The following DNAH14 variants were observed in gnomAD, a reference collection of about 807,000 sequenced individuals.
DNAH14 encodes dynein axonemal heavy chain 14.
Under a neutral mutation model 520.9 loss-of-function variants are expected in DNAH14, and 478 were observed. The observed-to-expected ratio is 0.92, with a 90% CI of 0.85 to 0.99. The LOEUF is 0.99. Ranked by LOEUF, DNAH14 falls within the 50% of genes least tolerant of loss-of-function variation. DNAH14 has a pLI of 0.00. For synonymous variants in DNAH14, 1,581 were observed against 1,757.2 expected, an observed-to-expected ratio of 0.90 and a Z score of 2.51; for missense variants, 4,831 against 5,234.5, an observed-to-expected ratio of 0.92 and a Z score of 2.38.
chr1:225,339,794 G>A (rs1190627953), intron 68 of DNAH14, among the ~76,000 whole-genome samples: 2 of 152,134 alleles, frequency 1.3e-5, no homozygotes, highest in Non-Finnish European at 2.9e-5. Context: ...GTGGAATGAA[G>A]TATTGTCTCT....
chr1:224,993,042 C>T (rs2063160881), intron 8 of DNAH14, among the ~76,000 whole-genome samples: 3 of 152,058 alleles, frequency 2.0e-5, no homozygotes, highest in Admixed American at 2.0e-4. Context: ...TCTTGCATCC[C>T]AGGGTTAAAT....
At chr1:225,144,935 G>C (rs941866346) in intron 29 of DNAH14, among the ~76,000 whole-genome samples, 3 of 149,200 alleles carry the variant, frequency 2.0e-5, no homozygotes, top group Non-Finnish European at 4.5e-5. Context: ...GTGTGTGAAA[G>C]AGAGAGAGAG....
intron 36 of DNAH14, among the ~76,000 whole-genome samples, chr1:225,171,210 C>G (rs1559170271): frequency 6.6e-6 from 1 of 152,034 alleles, no homozygotes; most frequent in African/African-American, 2.4e-5. Context: ...ATTAAAAGAA[C>G]TAGAGAAGCA....
chr1:225,217,206 CTGCAGAACAGCAAATAT>C (rs569388539), intron 41 of DNAH14, among the ~76,000 whole-genome samples: 2 of 152,198 alleles, frequency 1.3e-5, no homozygotes, highest in Admixed American at 6.5e-5. Flanking sequence ...CCAGCGGAGG[CTGCAGAACAGCAAATAT>C]TGCAGAACAG....
chr1:225,207,782 A>C (rs2087784088), intron 41 of DNAH14, among the ~76,000 whole-genome samples: 2 of 152,188 alleles, frequency 1.3e-5, no homozygotes, highest in African/African-American at 4.8e-5. Context: ...TCAAACCAAT[A>C]TAGAAATCAT....
rs1052635370 is a variant in DNAH14 at position 225,257,892 on chromosome 1, A to G, written c.6866-68A>G. 4.0e-5 allele frequency: 50 copies of G among 1,258,016 alleles called. No homozygotes were observed. The African/African-American group carries it at 7.7e-4, about 19-fold the overall frequency. 77.9% of individuals were successfully genotyped at this position (1,258,016 alleles called of 1,614,324 possible). On this transcript the variant is annotated intron_variant, in intron 44 of 85. Coordinates refer to ENST00000682510, the MANE Select transcript of DNAH14 (RefSeq NM_001367479.1). The stretch of plus-strand genomic sequence containing the variant: ...AAATAAAATAATCCTAATGACAAAA[A>G]AAAAAAAAAGATGAGGTGAATAGTA...
Position 225,271,836 on chromosome 1 carries a change from T to G in DNAH14, c.7672-70T>G. The G allele has an allele frequency of 3.2e-6, 4 of 1,252,662 alleles. 1 individual carries two copies. The South Asian group carries it at 6.2e-5, about 19-fold the overall frequency. 77.6% of individuals were successfully genotyped at this position (1,252,662 alleles called of 1,614,324 possible). On this transcript the variant is annotated intron_variant, in intron 50 of 85. Coordinates refer to ENST00000682510, the MANE Select transcript of DNAH14 (RefSeq NM_001367479.1). ...TATAGTACACAAGTCCGCTTTTTAG[T>G]GGAAGGTAGCCAGAAGTAGTCTATA... is the stretch of plus-strand genomic sequence containing the variant.
chr1:224,943,259 C>A (rs925106091), intron 1 of DNAH14, among the ~76,000 whole-genome samples: 1 of 151,840 alleles, frequency 6.6e-6, no homozygotes, highest in African/African-American at 2.4e-5. Context: ...GGAATTTATC[C>A]ATTTCTTCTA....
In DNAH14 at chr1:225,346,585, T is replaced by A; in HGVS notation, c.11227T>A (p.Trp3743Arg). 1 of 1,550,786 alleles carries A rather than the reference T, an allele frequency of 6.4e-7. No homozygotes were observed. The highest frequency in any genetic ancestry group is 8.7e-7 in the Non-Finnish European group (1 of 1,146,392). The change falls in exon 71 of 86, where the codon TGG (tryptophan) becomes AGG (arginine). Residue 3743 changes from tryptophan to arginine, a missense_variant. Coordinates refer to ENST00000682510, the MANE Select transcript of DNAH14 (RefSeq NM_001367479.1). The stretch of plus-strand genomic sequence containing the variant: ...CATTGGATTCCTACCAGAAGAAGAA[T>A]GGAACATCTTTTTATATTCTGGCAT... ...DDIGFLPEEE[W>R]NIFLYSGILI...
chr1:225,342,468 T>G (rs1199825860), intron 69 of DNAH14, among the ~76,000 whole-genome samples: 1 of 152,082 alleles, frequency 6.6e-6, no homozygotes, highest in Non-Finnish European at 1.5e-5. Context: ...TAAATATATA[T>G]TTTTATTTTT....
chr1:225,266,853 G>T, intron 49 of DNAH14, 84 bp downstream of exon 49: 1 of 1,302,434 alleles, frequency 7.7e-7, no homozygotes. Context: ...TGAGTGAATT[G>T]CTTGAGAAAG....
Position 225,374,687 on chromosome 1 carries a change from G to A in DNAH14, c.12319-1G>A. On this transcript the variant is annotated splice_acceptor_variant, in intron 77 of 85. Coordinates refer to ENST00000682510, the MANE Select transcript of DNAH14 (RefSeq NM_001367479.1). LOFTEE classifies it high-confidence loss of function. Reference sequence around the variant, plus strand: ...AATAAAGACTCATGGGTTTTCCAAAGGTTGCCATTAAGGTGTTGGAAAATT... The same window carrying A: ...AATAAAGACTCATGGGTTTTCCAAAAGTTGCCATTAAGGTGTTGGAAAATT... 15 of 1,543,882 alleles carry A rather than the reference G, an allele frequency of 9.7e-6. No individual in the cohort carries two copies. Among genetic ancestry groups the A allele is most frequent in the South Asian group, 1.2e-5 (1 of 83,016 alleles).
chr1:225,237,478 A>T (rs12091149), intron 42 of DNAH14, among the ~76,000 whole-genome samples: 2,006 of 152,276 alleles, frequency 0.013, 35 homozygotes, highest in East Asian at 0.05. Flanking sequence ...TGAGAAGTCT[A>T]CTGTTAGTCT....
intron 41 of DNAH14, among the ~76,000 whole-genome samples, chr1:225,217,404 G>T (rs1224831445): frequency 6.6e-6 from 1 of 152,106 alleles, no homozygotes; most frequent in Non-Finnish European, 1.5e-5. Flanking sequence ...CTCCATGCTG[G>T]GAGAAGCACT....
chr1:225,097,970 C>T (rs2075134548), intron 22 of DNAH14, among the ~76,000 whole-genome samples: 1 of 152,090 alleles, frequency 6.6e-6, no homozygotes, highest in South Asian at 2.1e-4. Flanking sequence ...AGCCCAAGAT[C>T]ACCTGAGCAC....
At chr1:225,290,167 A>T (rs36116837) in intron 55 of DNAH14, 85 bp downstream of exon 55, 15 of 991,772 alleles carry the variant, frequency 1.5e-5, no homozygotes, top group Non-Finnish European at 2.1e-5. Context: ...TTTGAAAAGA[A>T]AACAAGAAAA....
Position 225,380,274 on chromosome 1 carries a change from A to G in DNAH14, c.12832A>G (p.Ser4278Gly), listed in dbSNP as rs1438722047. ...TGTTGGAACTCCAAGCACATTGAAG[A>G]GCATGATGTCAAGCTCCATTTGGGA... ...IAVGTPSTLK[S>G]MMSSSIWESL... The change falls in exon 80 of 86, where the codon AGC (serine) becomes GGC (glycine). Residue 4278 changes from serine to glycine, a missense_variant. Transcript: ENST00000682510. 4 of 1,551,586 alleles carry G rather than the reference A, an allele frequency of 2.6e-6. No homozygotes were observed. Among genetic ancestry groups the G allele is most frequent in the African/African-American group, 1.4e-5 (1 of 73,062 alleles).
intron 10 of DNAH14, among the ~76,000 whole-genome samples, chr1:225,010,409 G>A (rs1209513869): frequency 6.6e-6 from 1 of 151,964 alleles, no homozygotes; most frequent in Non-Finnish European, 1.5e-5. Flanking sequence ...ATTGATTTGT[G>A]TATGTTGAAC....
Position 225,240,750 on chromosome 1 carries a change from G to C in DNAH14, c.6676G>C (p.Asp2226His). The change falls in exon 43 of 86, where the codon GAT becomes CAT. Residue 2226 changes from aspartate to histidine, a missense_variant. Coordinates refer to ENST00000682510, the MANE Select transcript of DNAH14 (RefSeq NM_001367479.1). ...ACCATTTTGTCCCAGTCTTGAACCT[G>C]ATTCTCTTGCAAAAGTAACATACGA... ...NIPFCPSLEPDSLAKVTYDFD... is the reference protein window; with the variant it reads ...NIPFCPSLEPHSLAKVTYDFD... 1 of 1,550,372 alleles carries C rather than the reference G, an allele frequency of 6.5e-7. No homozygotes were observed. The highest frequency in any genetic ancestry group is 1.4e-5 in the African/African-American group (1 of 73,102).
Sources: gnomAD v4.1 joint callset for allele counts (sites outside exome capture counted in the v4.1 genomes callset) on GRCh38, gnomAD v4.1.1 for gene constraint, MANE v1.5 for transcripts, NCBI Gene and HGNC (gene_info 2026-07-23, HGNC 2026-07-21) for gene names.